PTPRD: variants seen among roughly 807,000 people sequenced by gnomAD.
The protein encoded by PTPRD is protein tyrosine phosphatase receptor type D.
A neutral mutation model predicts 214.5 loss-of-function variants in PTPRD; 34 were observed. That is an observed-to-expected ratio of 0.16 (90% confidence interval 0.12 to 0.21). The LOEUF is 0.21. Ranked by LOEUF, PTPRD falls within the 10% of genes least tolerant of loss-of-function variation. The pLI, the probability that PTPRD is intolerant of heterozygous loss-of-function variation, is 1.00. For synonymous variants in PTPRD, 1,128 were observed against 845.7 expected (o/e 1.33, Z -5.79); for missense variants, 2,545 against 2,398.7 (o/e 1.06, Z -1.27).
intron 5 of PTPRD, among the ~76,000 whole-genome samples, chr9:9,780,017 C>A (rs2098830605): frequency 6.6e-6 from 1 of 152,080 alleles, no homozygotes; most frequent in Non-Finnish European, 1.5e-5. Context: ...CCTAGGTGTC[C>A]ATCAGTGGAT....
intron 11 of PTPRD, among the ~76,000 whole-genome samples, chr9:8,843,540 G>A (rs1601638956): frequency 6.6e-6 from 1 of 152,132 alleles, no homozygotes. Flanking sequence ...ATGGCCACTA[G>A]CTACATGTGG....
chr9:8,405,110 C>A (rs940472281), intron 35 of PTPRD, among the ~76,000 whole-genome samples: 2 of 152,124 alleles, frequency 1.3e-5, no homozygotes, highest in Non-Finnish European at 1.5e-5. Context: ...TGGACACAGG[C>A]TTTACTGTTC....
At chr9:10,465,888 A>G (rs2098990105) in intron 2 of PTPRD, among the ~76,000 whole-genome samples, 1 of 152,196 alleles carries the variant, frequency 6.6e-6, no homozygotes, top group Non-Finnish European at 1.5e-5. Context: ...AAATACTATA[A>G]ACTAACTGCT....
At chr9:9,811,799 A>T (rs2047232779) in intron 5 of PTPRD, among the ~76,000 whole-genome samples, 2 of 152,206 alleles carry the variant, frequency 1.3e-5, no homozygotes, top group Admixed American at 1.3e-4. Flanking sequence ...ATATTAGAAC[A>T]TTACATAAAC....
At chr9:10,223,002 C>CA (rs974663327) in intron 3 of PTPRD, among the ~76,000 whole-genome samples, 4 of 151,962 alleles carry the variant, frequency 2.6e-5, no homozygotes, top group Non-Finnish European at 4.4e-5. Context: ...AAGTGAAAGA[C>CA]AGAGAATGAA....
chr9:9,676,023 T>C (rs903626421), intron 7 of PTPRD, among the ~76,000 whole-genome samples: 2 of 152,102 alleles, frequency 1.3e-5, no homozygotes, highest in South Asian at 2.1e-4. Flanking sequence ...AAAATACAAA[T>C]ATCATTTATC....
chr9:8,794,698 A>C (rs1007477594), intron 11 of PTPRD, among the ~76,000 whole-genome samples: 1 of 152,078 alleles, frequency 6.6e-6, no homozygotes, highest in Non-Finnish European at 1.5e-5. Flanking sequence ...GAAATAAATT[A>C]CAGAGTTGTC....
intron 27 of PTPRD, among the ~76,000 whole-genome samples, chr9:8,490,895 C>A (rs186493509): frequency 4.1e-4 from 62 of 152,214 alleles, no homozygotes; most frequent in African/African-American, 1.3e-3. Context: ...TTTGTGGGAG[C>A]TGTAACTAAA....
chr9:10,174,180 T>TA (rs2099230988), intron 3 of PTPRD, among the ~76,000 whole-genome samples: 1 of 152,202 alleles, frequency 6.6e-6, no homozygotes, highest in Non-Finnish European at 1.5e-5. Context: ...TTTGTCCTGC[T>TA]AAACCTCAGG....
At chr9:9,777,565 G>T (rs2098808327) in intron 5 of PTPRD, among the ~76,000 whole-genome samples, 1 of 152,182 alleles carries the variant, frequency 6.6e-6, no homozygotes, top group Middle Eastern at 3.4e-3. Flanking sequence ...AGTTATGGTG[G>T]CACATGCCTG....
At chr9:9,207,416 A>G (rs2099945555) in intron 9 of PTPRD, among the ~76,000 whole-genome samples, 1 of 151,810 alleles carries the variant, frequency 6.6e-6, no homozygotes, top group South Asian at 2.1e-4. Flanking sequence ...TTCTAAAAAT[A>G]GAAAAAAAAT....
intron 2 of PTPRD, among the ~76,000 whole-genome samples, chr9:10,387,075 A>G (rs569294502): frequency 6.6e-6 from 1 of 151,932 alleles, no homozygotes; most frequent in South Asian, 2.1e-4. Flanking sequence ...GAAAAAAATA[A>G]AAAGATTGTT....
chr9:10,415,539 T>C lies in PTPRD; in HGVS notation c.-599-74522A>G, dbSNP rs148697353. On this transcript the variant is annotated intron_variant, in intron 2 of 45. Transcript: ENST00000381196. ...AAGATAATTTTGGGCAACAGCTTTT[T>C]TGTTCCTTTGTTTGATTAATTCTTG... 9.0e-3 allele frequency among the ~76,000 whole-genome samples: 1,368 copies of C among 152,036 alleles called. 11 individuals are homozygous for C. The highest frequency in any genetic ancestry group is 0.016 in the Non-Finnish European group (1,055 of 67,910).
intron 4 of PTPRD, among the ~76,000 whole-genome samples, chr9:9,979,346 A>G (rs2095465325): frequency 6.6e-6 from 1 of 152,098 alleles, no homozygotes. Context: ...TAAACCCAAT[A>G]ATAATTTCAG....
At chr9:10,576,033 G>A (rs1000132652) in intron 2 of PTPRD, among the ~76,000 whole-genome samples, 1 of 152,238 alleles carries the variant, frequency 6.6e-6, no homozygotes, top group South Asian at 2.1e-4. Context: ...GCATTAGAAA[G>A]AGTTTGGTTC....
rs1203493671 is a variant in PTPRD at position 8,524,960 on chromosome 9, G to A, written c.644C>T (p.Thr215Ile). The change falls in exon 18 of 46, where the codon ACT becomes ATT. Residue 215 changes from threonine to isoleucine, a missense_variant. Coordinates refer to ENST00000381196, the MANE Select transcript of PTPRD (RefSeq NM_002839.4). Reference protein sequence around the residue: ...YECVATNSAGTRYSAPANLYV... With the variant: ...YECVATNSAGIRYSAPANLYV... ...TAAATTGGCAGGAGCGGAATAGCGA[G>A]TGCCCGCGCTGTTGGTGGCAACACA... 6.2e-7 allele frequency: 1 copy of A among 1,613,680 alleles called. No homozygotes were observed. The highest frequency in any genetic ancestry group is 8.5e-7 in the Non-Finnish European group (1 of 1,179,706).
chr9:9,266,293 G>C (rs1016542914), intron 9 of PTPRD, among the ~76,000 whole-genome samples: 1 of 151,236 alleles, frequency 6.6e-6, no homozygotes, highest in African/African-American at 2.4e-5. Flanking sequence ...AGACATGACA[G>C]CAATAGAATA....
chr9:8,358,030 T>C (rs901711228), intron 39 of PTPRD, among the ~76,000 whole-genome samples: 1 of 152,226 alleles, frequency 6.6e-6, no homozygotes, highest in African/African-American at 2.4e-5. Flanking sequence ...CAGATCATTA[T>C]ACCCTTCAGA....
intron 11 of PTPRD, among the ~76,000 whole-genome samples, chr9:8,923,842 G>A (rs2098845175): frequency 3.3e-5 from 5 of 152,140 alleles, no homozygotes; most frequent in Admixed American, 3.3e-4. Context: ...TTGAAACAAT[G>A]CAGTGAGTCA....
Sources: allele counts gnomAD v4.1 joint callset (sites outside exome capture counted in the v4.1 genomes callset), GRCh38; gene constraint gnomAD v4.1.1; transcripts MANE v1.5; gene names NCBI Gene and HGNC (gene_info 2026-07-23, HGNC 2026-07-21).